DACH2: variants seen among roughly 807,000 people sequenced by gnomAD.
The protein encoded by DACH2 is dachshund family transcription factor 2.
In DACH2, 17 loss-of-function variants were observed where a neutral mutation model predicts 35.8. That is an observed-to-expected ratio of 0.48 (90% CI 0.33 to 0.71). The LOEUF (loss-of-function observed/expected upper bound fraction) is 0.71. DACH2 is among the 30% of genes least tolerant of loss of function. DACH2 has a pLI of 0.02. For synonymous variants in DACH2, 195 were observed against 177.3 expected, an observed-to-expected ratio of 1.10 and a Z score of -0.79; for missense variants, 469 against 472.7, an observed-to-expected ratio of 0.99 and a Z score of 0.07.
chrX:86,651,085 G>A lies in DACH2; in HGVS notation c.690G>A (p.Lys230=). The A allele has an allele frequency of 1.7e-6, 2 of 1,208,903 alleles. No homozygotes were observed. Among genetic ancestry groups the A allele is most frequent in the South Asian group, 1.8e-5 (1 of 56,505 alleles). The change falls in exon 4 of 12, where the codon AAG becomes AAA. Residue 230 remains lysine, a synonymous_variant. Transcript: ENST00000373125. The stretch of plus-strand genomic sequence containing the variant: ...AGGCGATGAAACTTCAGAAGATGAA[G>A]CTTATGGCTATGAACACTCTTCAGG... ...MAEAMKLQKM[K]LMAMNTLQGN...
chrX:86,780,720 T>A (rs1206246071), intron 7 of DACH2, among the ~76,000 whole-genome samples: 5 of 111,486 alleles, frequency 4.5e-5, no homozygotes, highest in African/African-American at 1.6e-4. Context: ...TTTTCGAGTG[T>A]AGCACACCTC....
intron 3 of DACH2, among the ~76,000 whole-genome samples, chrX:86,576,743 G>T (rs2039440326): frequency 9.0e-6 from 1 of 111,222 alleles, no homozygotes; most frequent in Non-Finnish European, 1.9e-5. Flanking sequence ...GGGTCATAGG[G>T]TCTGATTCCT....
At chrX:86,219,743 G>A (rs73514021) in intron 1 of DACH2, among the ~76,000 whole-genome samples, 2,397 of 110,041 alleles carry the variant, frequency 0.022, 57 homozygotes, top group African/African-American at 0.073. Flanking sequence ...GCTTTACTGA[G>A]GTATAATAGT....
chrX:86,831,877 T>C, intron 11 of DACH2: 1 of 356,870 alleles, frequency 2.8e-6, no homozygotes, highest in Non-Finnish European at 4.8e-6. Flanking sequence ...CTTCAATGTC[T>C]CCGGTGCTGT....
At chrX:86,792,251 T>C (rs2042193414) in intron 7 of DACH2, among the ~76,000 whole-genome samples, 1 of 111,872 alleles carries the variant, frequency 8.9e-6, no homozygotes, top group Non-Finnish European at 1.9e-5. Context: ...TATTGATATA[T>C]AATATTTGTA....
At chrX:86,536,380 G>A (rs1217534581) in intron 3 of DACH2, among the ~76,000 whole-genome samples, 1 of 111,305 alleles carries the variant, frequency 9.0e-6, no homozygotes, top group African/African-American at 3.3e-5. Context: ...ATATTTCTTT[G>A]GCATATTTTG....
intron 1 of DACH2, among the ~76,000 whole-genome samples, chrX:86,240,875 A>G (rs747933191): frequency 6.8e-4 from 76 of 111,128 alleles, no homozygotes; most frequent in Non-Finnish European, 1.3e-3. Flanking sequence ...CTCTCCTGCT[A>G]TGCCATGGTA....
chrX:86,593,097 A>G (rs2039667973), intron 3 of DACH2, among the ~76,000 whole-genome samples: 1 of 111,199 alleles, frequency 9.0e-6, no homozygotes, highest in Admixed American at 9.6e-5. Context: ...TCTTGACCTT[A>G]GCAGAGAAAC....
At chrX:86,822,541 A>G (rs186667090) in intron 11 of DACH2, among the ~76,000 whole-genome samples, 307 of 111,939 alleles carry the variant, frequency 2.7e-3, no homozygotes, top group African/African-American at 9.6e-3. Context: ...AAAACACAGG[A>G]ATCTTAACTC....
intron 2 of DACH2, among the ~76,000 whole-genome samples, chrX:86,406,675 A>G (rs1408352868): frequency 1.8e-5 from 2 of 112,206 alleles, no homozygotes; most frequent in Non-Finnish European, 3.8e-5. Flanking sequence ...TGTCCAGAAC[A>G]TATGGGAGAA....
chrX:86,516,503 A>G (rs2038469403), intron 3 of DACH2, among the ~76,000 whole-genome samples: 1 of 111,545 alleles, frequency 9.0e-6, no homozygotes, highest in Non-Finnish European at 1.9e-5. Context: ...CTTATGGACA[A>G]TGACTTCATT....
chrX:86,355,863 C>CA (rs2035633651), intron 1 of DACH2, among the ~76,000 whole-genome samples: 1 of 47,507 alleles, frequency 2.1e-5, no homozygotes, highest in African/African-American at 1.0e-4. Flanking sequence ...GCCCTTTGTC[C>CA]ATTTTTTAAT....
intron 2 of DACH2, among the ~76,000 whole-genome samples, chrX:86,449,706 T>C (rs1279066596): frequency 9.0e-6 from 1 of 111,381 alleles, no homozygotes; most frequent in Non-Finnish European, 1.9e-5. Flanking sequence ...AAAAACATCT[T>C]ACAGATATAC....
Position 86,258,967 on chromosome X carries a change from G to T in DACH2, c.488+109859G>T, listed in dbSNP as rs184145308. 3.6e-5 allele frequency among the ~76,000 whole-genome samples: 4 copies of T among 111,853 alleles called. No individual in the cohort carries two copies. In the East Asian group the frequency reaches 1.1e-3, roughly 32 times the overall value. On this transcript the variant is annotated intron_variant, in intron 1 of 11. Transcript: ENST00000373125. ...TGGTTAACTTTTGAGTAGGTTTATT[G>T]TCATGTAACCTTTTGGGATTCTTTC...
chrX:86,797,685 A>G (rs2042252774), intron 7 of DACH2, among the ~76,000 whole-genome samples: 2 of 112,192 alleles, frequency 1.8e-5, no homozygotes, highest in Admixed American at 1.9e-4. Flanking sequence ...CAAAAGCAGA[A>G]TAAATGAACT....
intron 4 of DACH2, among the ~76,000 whole-genome samples, chrX:86,691,893 A>G (rs1214600194): frequency 8.9e-6 from 1 of 112,005 alleles, no homozygotes; most frequent in African/African-American, 3.2e-5. Context: ...TAAAAGGCTG[A>G]CTGTAGCTTA....
Position 86,289,744 on chromosome X carries a change from C to T in DACH2, c.489-87080C>T, listed in dbSNP as rs776203126. Reference sequence around the variant, plus strand: ...ATTTCCTCCATGTCCCTACAAAGGACATGAACTCATCATTTTTTATGGCTG... The same window carrying T: ...ATTTCCTCCATGTCCCTACAAAGGATATGAACTCATCATTTTTTATGGCTG... On this transcript the variant is annotated intron_variant, in intron 1 of 11. Transcript: ENST00000373125. Among the ~76,000 whole-genome samples, 227 of 109,383 alleles carry T rather than the reference C, an allele frequency of 2.1e-3. 3 individuals carry two copies. Among genetic ancestry groups the T allele is most frequent in the Non-Finnish European group, 3.2e-3 (167 of 52,597 alleles). The allele number at this position is 109,383 out of a possible 115,157, so 95.0% of individuals were successfully genotyped here. A position where few individuals can be genotyped will look rare whatever the true frequency, so the allele number is the denominator to read the frequency against.
At chrX:86,618,032 T>C (rs890723212) in intron 3 of DACH2, among the ~76,000 whole-genome samples, 1 of 111,872 alleles carries the variant, frequency 8.9e-6, no homozygotes, top group Non-Finnish European at 1.9e-5. Context: ...TCCTGGGTAG[T>C]TGGGAGGCTG....
At chrX:86,566,323 A>T (rs1286927814) in intron 3 of DACH2, among the ~76,000 whole-genome samples, 1 of 111,415 alleles carries the variant, frequency 9.0e-6, no homozygotes, top group Non-Finnish European at 1.9e-5. Context: ...TTTATTCCCC[A>T]TTATTGCCTG....
Sources: gnomAD v4.1 joint callset for allele counts (sites outside exome capture counted in the v4.1 genomes callset) on GRCh38, gnomAD v4.1.1 for gene constraint, MANE v1.5 for transcripts, NCBI Gene and HGNC (gene_info 2026-07-23, HGNC 2026-07-21) for gene names.